The following SLC39A10 variants were observed in gnomAD, a reference collection of about 807,000 sequenced individuals.
SLC39A10 encodes solute carrier family 39 member 10, also known as zinc transporter ZIP10.
Under a neutral mutation model 65.1 loss-of-function variants are expected in SLC39A10, and 13 were observed. The observed-to-expected ratio is 0.20, with a 90% CI of 0.13 to 0.32. The LOEUF is 0.32. Among genes scored for constraint, SLC39A10 ranks in the 10% least tolerant of loss-of-function variants. The pLI is 1.00. For missense variants in SLC39A10, 831 were observed against 1,018.4 expected, an observed-to-expected ratio of 0.82 and a Z score of 2.50; for synonymous variants, 321 against 342.2, an observed-to-expected ratio of 0.94 and a Z score of 0.68.
chr2:195,668,549 G>A (rs1689724140), intron 1 of SLC39A10, among the ~76,000 whole-genome samples: 1 of 152,166 alleles, frequency 6.6e-6, no homozygotes, highest in Non-Finnish European at 1.5e-5. Flanking sequence ...AGCATATTTT[G>A]TGTGTTTGTG....
At chr2:195,627,962 T>C (rs1475846384) in intron 2 of SLC39A10, among the ~76,000 whole-genome samples, 1 of 152,210 alleles carries the variant, frequency 6.6e-6, no homozygotes, top group Non-Finnish European at 1.5e-5. Flanking sequence ...GGACCTCTGG[T>C]ATAAGGAACA....
intron 5 of SLC39A10, among the ~76,000 whole-genome samples, chr2:195,709,258 T>G (rs555198308): frequency 2.6e-5 from 4 of 151,972 alleles, no homozygotes; most frequent in Non-Finnish European, 4.4e-5. Context: ...TTGAGACAGA[T>G]TCTCGCTATG....
intron 3 of SLC39A10, among the ~76,000 whole-genome samples, chr2:195,694,004 A>C (rs948184037): frequency 1.3e-5 from 2 of 152,166 alleles, no homozygotes; most frequent in East Asian, 1.9e-4. Flanking sequence ...TTGTGTCACT[A>C]TTATCGCTCA....
At chr2:195,664,948 C>T (rs1242576802) in intron 1 of SLC39A10, among the ~76,000 whole-genome samples, 3 of 151,854 alleles carry the variant, frequency 2.0e-5, no homozygotes, top group Non-Finnish European at 2.9e-5. Flanking sequence ...TTTGGGAAGC[C>T]GGGGTGGGAG....
chr2:195,719,181 C>T (rs1400240257), intron 8 of SLC39A10, among the ~76,000 whole-genome samples: 2 of 150,576 alleles, frequency 1.3e-5, no homozygotes, highest in Non-Finnish European at 2.9e-5. Flanking sequence ...TAGAAATGAG[C>T]GCTAGAAATG....
intron 2 of SLC39A10, among the ~76,000 whole-genome samples, chr2:195,644,586 C>T (rs963819859): frequency 2.1e-4 from 32 of 151,594 alleles, no homozygotes; most frequent in Admixed American, 3.9e-4. Context: ...GTGATCCGCC[C>T]GCTTCGGCCT....
At chr2:195,616,678 A>G (rs1197974206) in intron 2 of SLC39A10, among the ~76,000 whole-genome samples, 1 of 150,462 alleles carries the variant, frequency 6.6e-6, no homozygotes, top group Non-Finnish European at 1.5e-5. Context: ...ATCTCGGCTC[A>G]CTGCAAGCTC....
intron 8 of SLC39A10, among the ~76,000 whole-genome samples, chr2:195,726,001 TTTATGG>T (rs1415062107): frequency 2.0e-5 from 3 of 152,192 alleles, no homozygotes; most frequent in African/African-American, 7.2e-5. Flanking sequence ...TTTAATGGTG[TTTATGG>T]TTATAGGGTG....
intron 2 of SLC39A10, among the ~76,000 whole-genome samples, chr2:195,650,921 A>G (rs756826243): frequency 4.4e-5 from 1 of 22,506 alleles, no homozygotes; most frequent in Non-Finnish European, 1.5e-4. Context: ...AGGAGTTTAA[A>G]AAAAAAAAAA....
chr2:195,697,958 A>T (rs1481222109), intron 3 of SLC39A10, among the ~76,000 whole-genome samples: 2 of 152,076 alleles, frequency 1.3e-5, no homozygotes, highest in African/African-American at 4.8e-5. Flanking sequence ...TAAGTATTTT[A>T]TTCTTTTTGA....
chr2:195,669,014 G>A (rs1689745306), intron 1 of SLC39A10, among the ~76,000 whole-genome samples: 1 of 151,226 alleles, frequency 6.6e-6, no homozygotes, highest in Non-Finnish European at 1.5e-5. Flanking sequence ...GGCAAAGGTT[G>A]CAGTGAGCCG....
upstream of SLC39A10, among the ~76,000 whole-genome samples, chr2:195,654,594 T>C (rs1030588110): frequency 6.6e-6 from 1 of 152,098 alleles, no homozygotes; most frequent in Admixed American, 6.5e-5. Context: ...TACCTCTCTT[T>C]CCCCCAGGTA....
chr2:195,713,673 C>T, intron 6 of SLC39A10, 120 bp downstream of exon 6: 2 of 1,170,712 alleles, frequency 1.7e-6, no homozygotes, highest in Non-Finnish European at 2.3e-6. Context: ...AAACTAAATA[C>T]AAGATGAAAA....
chr2:195,700,135 A>G (rs537593117), intron 3 of SLC39A10, among the ~76,000 whole-genome samples: 60 of 152,252 alleles, frequency 3.9e-4, no homozygotes, highest in South Asian at 1.2e-3. Flanking sequence ...TCTCTTGTAT[A>G]TAACACATAG....
At chr2:195,682,423 A>G (rs2105773818) in intron 2 of SLC39A10, among the ~76,000 whole-genome samples, 1 of 152,232 alleles carries the variant, frequency 6.6e-6, no homozygotes, top group Non-Finnish European at 1.5e-5. Flanking sequence ...TCTTAGTATG[A>G]TTTTAAAGTA....
chr2:195,648,668 C>G (rs1688973533), intron 2 of SLC39A10, among the ~76,000 whole-genome samples: 1 of 152,068 alleles, frequency 6.6e-6, no homozygotes, highest in Non-Finnish European at 1.5e-5. Context: ...GGCAACAGAG[C>G]TAGACCCTAT....
upstream of SLC39A10, among the ~76,000 whole-genome samples, chr2:195,654,535 G>GC: frequency 6.6e-6 from 1 of 152,166 alleles, no homozygotes; most frequent in Non-Finnish European, 1.5e-5. Flanking sequence ...GGCTGAAGCA[G>GC]CATGAATAAG....
At position 195,680,482 on chromosome 2, in the gene SLC39A10, C is replaced by G; in HGVS notation, c.440C>G (p.Thr147Arg). The change falls in exon 2 of 10, where the codon ACA becomes AGA. Residue 147 changes from threonine (T) to arginine (R), a missense_variant. By Grantham distance (71) the Thr-to-Arg change is moderately conservative (BLOSUM62 -1). Coordinates refer to ENST00000359634, the MANE Select transcript of SLC39A10 (RefSeq NM_020342.3). ...AATCAAACTGTGACCAGTGTATCCA[C>G]AAAAAGAAACCATAAATGTGATCCA... Reference protein sequence around the residue: ...SENQTVTSVSTKRNHKCDPEK... With the variant: ...SENQTVTSVSRKRNHKCDPEK... The G allele has an allele frequency of 6.2e-7, 1 of 1,614,046 alleles. No individual in the cohort carries two copies. The highest frequency in any genetic ancestry group is 1.1e-5 in the South Asian group (1 of 91,076).
chr2:195,668,274 T>G (rs768367708), intron 1 of SLC39A10, among the ~76,000 whole-genome samples: 1 of 152,260 alleles, frequency 6.6e-6, no homozygotes. Context: ...GCTATAAAAC[T>G]GATTTCAACC....
Sources: allele counts gnomAD v4.1 joint callset (sites outside exome capture counted in the v4.1 genomes callset), GRCh38; gene constraint gnomAD v4.1.1; transcripts MANE v1.5; gene names NCBI Gene and HGNC (gene_info 2026-07-23, HGNC 2026-07-21).